SNRPB2: variants seen among roughly 807,000 people sequenced by gnomAD.
SNRPB2 encodes the protein U2 small nuclear ribonucleoprotein B''.
A neutral mutation model predicts 26.3 loss-of-function variants in SNRPB2; 16 were observed. That is an observed-to-expected ratio of 0.61 (90% confidence interval 0.41 to 0.92). The LOEUF is 0.92. Among genes scored for constraint, SNRPB2 ranks in the 40% least tolerant of loss-of-function variants. SNRPB2 has a pLI of 0.00. For synonymous variants in SNRPB2, 75 were observed against 89.0 expected (o/e 0.84, Z 0.88); for missense variants, 179 against 268.1 (o/e 0.67, Z 2.32).
At chr20:16,734,847 G>T (rs1210475437) in intron 3 of SNRPB2, among the ~76,000 whole-genome samples, 1 of 152,204 alleles carries the variant, frequency 6.6e-6, no homozygotes, top group Non-Finnish European at 1.5e-5. Flanking sequence ...AGGTGACTAG[G>T]TCATAAGGAC....
At position 16,738,222 on chromosome 20, in the gene SNRPB2, C is replaced by A. The variant is rs554393816; in HGVS notation, c.379-630C>A. ...TTGGGAGGCTGAGGTGGGTGGATCACCTGAGGTCAGGAGTTCAAGACCAGC... is the reference window on the plus strand; with the variant it reads ...TTGGGAGGCTGAGGTGGGTGGATCAACTGAGGTCAGGAGTTCAAGACCAGC... On this transcript the variant is annotated intron_variant, in intron 4 of 6. Transcript: ENST00000246071. 5.3e-5 allele frequency among the ~76,000 whole-genome samples: 8 copies of A among 151,812 alleles called. No individual in the cohort carries two copies. The South Asian group carries it at 1.0e-3, about 20-fold the overall frequency.
intron 4 of SNRPB2, 65 bp from the exon 5 acceptor site, chr20:16,738,787 T>C (rs1205686372): frequency 1.2e-6 from 1 of 857,432 alleles, no homozygotes; most frequent in East Asian, 2.5e-5. Context: ...TAATTATAAA[T>C]ATAAATACCT....
Position 16,730,041 on chromosome 20 carries a change from T to TAA in SNRPB2, c.-158_-157insAA, listed in dbSNP as rs376369074. On this transcript the variant is annotated 5_prime_UTR_variant, in exon 1 of 7. Coordinates refer to ENST00000246071, the MANE Select transcript of SNRPB2 (RefSeq NM_003092.5). ...GGCTCCGTTTCCTGCTTTTGGTTCTTACAGTAGTCGGCGTAGGCCTTAGGT... is the reference window on the plus strand; with the variant it reads ...GGCTCCGTTTCCTGCTTTTGGTTCTTAAACAGTAGTCGGCGTAGGCCTTAGGT... 6.6e-6 allele frequency: 1 copy of TAA among 152,464 alleles called. No individual in the cohort carries two copies. The highest frequency in any genetic ancestry group is 1.5e-5 in the Non-Finnish European group (1 of 68,232). The allele number at this position is 152,464 out of a possible 1,614,324, so 9.4% of individuals were successfully genotyped here.
intron 1 of SNRPB2, chr20:16,730,594 G>C (rs965635468): frequency 6.6e-6 from 1 of 152,152 alleles, no homozygotes; most frequent in Non-Finnish European, 1.5e-5. Context: ...GATTTAGGGG[G>C]TCGCAAGGCT....
At chr20:16,738,079 A>G (rs2072439612) in intron 4 of SNRPB2, among the ~76,000 whole-genome samples, 2 of 151,818 alleles carry the variant, frequency 1.3e-5, no homozygotes, top group South Asian at 4.1e-4. Context: ...AAAACAAACA[A>G]AAAAAACAGT....
intron 6 of SNRPB2, 99 bp downstream of exon 6, chr20:16,740,512 T>G: frequency 1.3e-6 from 2 of 1,517,214 alleles, no homozygotes; most frequent in Non-Finnish European, 1.8e-6. Context: ...CAGTAATTCC[T>G]TACAGGTTCA....
At chr20:16,732,525 CAAA>C in intron 3 of SNRPB2, 189 bp downstream of exon 3, 1 of 419,464 alleles carries the variant, frequency 2.4e-6, no homozygotes, top group Non-Finnish European at 4.2e-6. Context: ...TGGGCAAAAA[CAAA>C]ATACATTGAG....
In SNRPB2 at chr20:16,742,149, G is replaced by T. The variant is rs1179742966; in HGVS notation, c.*1144G>T. The T allele has an allele frequency of 6.6e-6, 1 of 152,122 alleles. No homozygotes were observed. Among genetic ancestry groups the T allele is most frequent in the Non-Finnish European group, 1.5e-5 (1 of 68,022 alleles). 9.4% of individuals were successfully genotyped at this position (152,122 alleles called of 1,614,324 possible). ...CCTATAACTTTGTCACAGTTAGTCT[G>T]ACTCTTCTGAATAACTTTTTTAATC... On this transcript the variant is annotated 3_prime_UTR_variant, in exon 7 of 7. Coordinates refer to ENST00000246071, the MANE Select transcript of SNRPB2 (RefSeq NM_003092.5).
chr20:16,740,223 TTG>T (rs1421506799), intron 5 of SNRPB2, 100 bp from the exon 6 acceptor site: 5 of 1,537,524 alleles, frequency 3.3e-6, no homozygotes, highest in Non-Finnish European at 4.4e-6. Flanking sequence ...TCCAGTGTCA[TTG>T]TTTTTCAGCT....
chr20:16,732,153 A>G lies in SNRPB2; in HGVS notation c.65-11A>G. On this transcript the variant is annotated splice_polypyrimidine_tract_variant and intron_variant, in intron 2 of 6. Coordinates refer to ENST00000246071, the MANE Select transcript of SNRPB2 (RefSeq NM_003092.5). ...ATTACCAATAACTTGTTTCTTTTCT[A>G]ATTTGGACAGAATTGAAGAGATCCC... 6.5e-7 allele frequency: 1 copy of G among 1,532,428 alleles called. No homozygotes were observed. The highest frequency in any genetic ancestry group is 2.3e-5 in the East Asian group (1 of 43,194). The allele number at this position is 1,532,428 out of a possible 1,614,324, so 94.9% of individuals were successfully genotyped here.
intron 1 of SNRPB2, among the ~76,000 whole-genome samples, chr20:16,731,438 G>A (rs1423552211): frequency 6.6e-6 from 1 of 152,202 alleles, no homozygotes; most frequent in African/African-American, 2.4e-5. Flanking sequence ...GAATTAAATG[G>A]TGTTACTAAA....
rs1381650776 is a variant in SNRPB2, at chr20:16,740,875, T to G, written c.548T>G (p.Val183Gly). Residue 183 changes from valine to glycine, a missense_variant, in exon 7 of 7, where the codon GTA (valine) becomes GGA (glycine). By Grantham distance (109) the Val-to-Gly change is moderately radical. Around this residue, in one of 2 missense-constraint regions of SNRPB2, gnomAD observed 34 missense variants for 87.4 expected, o/e 0.39. Coordinates refer to ENST00000246071, the MANE Select transcript of SNRPB2 (RefSeq NM_003092.5). ...CCTGGCTTCAAGGAAGTACGTCTGG[T>G]ACCAGGGAGGCATGACATTGCTTTT... ...QFPGFKEVRL[V>G]PGRHDIAFVE... 6.2e-7 allele frequency: 1 copy of G among 1,612,376 alleles called. No homozygotes were observed. Among genetic ancestry groups the G allele is most frequent in the Non-Finnish European group, 8.5e-7 (1 of 1,178,608 alleles).
At chr20:16,737,462 C>T in intron 4 of SNRPB2, 61 bp downstream of exon 4, 1 of 1,449,110 alleles carries the variant, frequency 6.9e-7, no homozygotes, top group East Asian at 2.3e-5. Context: ...AGATGCTTGT[C>T]TTACAGGTAA....
At chr20:16,730,920 A>G (rs1338370443) in intron 1 of SNRPB2, 1 of 139,394 alleles carries the variant, frequency 7.2e-6, no homozygotes, top group Non-Finnish European at 1.6e-5. Flanking sequence ...GCTGTTAATA[A>G]TAGCTACTCT....
intron 3 of SNRPB2, among the ~76,000 whole-genome samples, chr20:16,736,689 C>T (rs2072428370): frequency 6.6e-6 from 1 of 152,108 alleles, no homozygotes. Flanking sequence ...AATTGCATCC[C>T]TAGGTGCTCC....
At chr20:16,735,271 T>C (rs2072417732) in intron 3 of SNRPB2, among the ~76,000 whole-genome samples, 1 of 149,254 alleles carries the variant, frequency 6.7e-6, no homozygotes, top group Admixed American at 6.6e-5. Flanking sequence ...TACGAGGCAA[T>C]AAAATTTTGC....
intron 3 of SNRPB2, among the ~76,000 whole-genome samples, chr20:16,736,720 G>C (rs76530377): frequency 2.0e-5 from 3 of 152,218 alleles, no homozygotes; most frequent in African/African-American, 7.2e-5. Flanking sequence ...GTGGGGTGAG[G>C]GTAGGTTTGG....
At chr20:16,737,747 A>G (rs6044279) in intron 4 of SNRPB2, among the ~76,000 whole-genome samples, 56,608 of 152,014 alleles carry the variant, frequency 0.37, 11,713 homozygotes, top group African/African-American at 0.55. Context: ...CACTCAAAGT[A>G]TCTTTCTGGC....
intron 5 of SNRPB2, 79 bp from the exon 6 acceptor site, chr20:16,740,246 A>C: frequency 1.9e-6 from 3 of 1,577,026 alleles, no homozygotes; most frequent in Non-Finnish European, 2.6e-6. Flanking sequence ...TTATTGTTTG[A>C]TATAGTAAGA....
Sources: gnomAD v4.1 joint callset for allele counts (sites outside exome capture counted in the v4.1 genomes callset) on GRCh38, gnomAD v4.1.1 for gene constraint, gnomAD v4.1.1 regional missense constraint, MANE v1.5 for transcripts, NCBI Gene and HGNC (gene_info 2026-07-23, HGNC 2026-07-21) for gene names.